Variants in SLITRK5 observed in about 807,000 individuals in gnomAD.
SLITRK5 encodes the protein SLIT and NTRK like family member 5, also known as SLIT and NTRK-like protein 5.
In SLITRK5, 23 loss-of-function variants were observed where a neutral mutation model predicts 56.2. The ratio of observed to expected loss-of-function variants is 0.41; its 90% CI spans 0.29 to 0.58. The LOEUF (loss-of-function observed/expected upper bound fraction) is 0.58. Among genes scored for constraint, SLITRK5 ranks in the 20% least tolerant of loss-of-function variants. The pLI, the probability that SLITRK5 is intolerant of heterozygous loss-of-function variation, is 0.30. For missense variants in SLITRK5, 1,289 were observed against 1,226.6 expected, an observed-to-expected ratio of 1.05 and a Z score of -0.76; for synonymous variants, 637 against 531.8, an observed-to-expected ratio of 1.20 and a Z score of -2.72.
Position 87,675,975 on chromosome 13 carries a change from T to G in SLITRK5, c.587T>G (p.Leu196Arg). 6.2e-7 allele frequency: 1 copy of G among 1,614,102 alleles called. No homozygotes were observed. The highest frequency in any genetic ancestry group is 8.5e-7 in the Non-Finnish European group (1 of 1,180,016). Residue 196 changes from leucine (L) to arginine (R), a missense_variant, in exon 2 of 2, where the codon CTT (leucine) becomes CGT (arginine). Physicochemically the swap from Leu to Arg is moderately radical, Grantham distance 102. Coordinates refer to ENST00000683689, the MANE Select transcript of SLITRK5 (RefSeq NM_001384609.1). ...CTTTTGTCCAGTTTACCCAACAATC[T>G]TTTCCGTTTTGTGCCCTTAACGCAC... Reference protein sequence around the residue: ...DNLLSSLPNNLFRFVPLTHLD... With the variant: ...DNLLSSLPNNRFRFVPLTHLD...
At chr13:87,674,278 TAA>T in intron 1 of SLITRK5, 2 of 525,888 alleles carry the variant, frequency 3.8e-6, no homozygotes, top group Non-Finnish European at 4.9e-6. Context: ...TCCCTGAGAT[TAA>T]AAAAAAGAGA....
At position 87,679,067 on chromosome 13, in the gene SLITRK5, C is replaced by A. The variant is rs2137949789; in HGVS notation, c.*802C>A. On this transcript the variant is annotated 3_prime_UTR_variant, in exon 2 of 2. Coordinates refer to ENST00000683689, the MANE Select transcript of SLITRK5 (RefSeq NM_001384609.1). ...CCTATGATTTTGCAGAGGTGTCACA[C>A]TGTATTAGGATCTGCATTTCTAAAA... 6.0e-6 allele frequency: 1 copy of A among 166,830 alleles called. No homozygotes were observed. 10.3% of individuals were successfully genotyped at this position (166,830 alleles called of 1,614,324 possible).
In SLITRK5 at chr13:87,675,692, G is replaced by C. The variant is rs1167693029; in HGVS notation, c.304G>C (p.Val102Leu). The change falls in exon 2 of 2, where the codon GTC becomes CTC. Residue 102 changes from valine to leucine, a missense_variant. Physicochemically the swap from Val to Leu is conservative, Grantham distance 32 (BLOSUM62 1). Transcript: ENST00000683689. ...LLNRLYPNEF[V>L]NYTGASILHL... ...GAACCGTCTCTATCCCAATGAGTTT[G>C]TCAATTACACTGGGGCTTCAATTTT... The C allele has an allele frequency of 1.2e-6, 2 of 1,614,160 alleles. No individual in the cohort carries two copies. The highest frequency in any genetic ancestry group is 1.7e-5 in the Admixed American group (1 of 60,020).
rs751214588 is a variant in SLITRK5, at chr13:87,677,778, AGCCGCCGCC to A, written c.2394_2402del (p.Pro800_Pro802del). ...AACCACCACCTGCAGCAGCAGCAGC[AGCCGCCGCC>A]GCCACCGCAGCAGCCACAGCAGCAG... is the stretch of plus-strand genomic sequence containing the variant. On this transcript the variant is annotated inframe_deletion, in exon 2 of 2. Coordinates refer to ENST00000683689, the MANE Select transcript of SLITRK5 (RefSeq NM_001384609.1). The surrounding 1 kb of genome is among the most constrained non-coding windows in gnomAD (Gnocchi z 4.7). 6.2e-7 allele frequency: 1 copy of A among 1,606,538 alleles called. No individual in the cohort carries two copies. The highest frequency in any genetic ancestry group is 1.3e-5 in the African/African-American group (1 of 74,766).
At position 87,677,422 on chromosome 13, in the gene SLITRK5, C is replaced by G. The variant is rs1204299379; in HGVS notation, c.2034C>G (p.Val678=). ...TCCTGCTGGTTTTCATCATGTCCGT[C>G]TTCGTGGCCGCCGGGCTCTTCGTGC... ...LSLLLVFIMS[V]FVAAGLFVLV... is the part of the protein sequence containing the mutation. Residue 678 remains valine (V), a synonymous_variant, in exon 2 of 2, where the codon GTC becomes GTG. Transcript: ENST00000683689. The surrounding 1 kb of genome is among the most constrained non-coding windows in gnomAD (Gnocchi z 4.7). 6.2e-7 allele frequency: 1 copy of G among 1,613,620 alleles called. No homozygotes were observed. The highest frequency in any genetic ancestry group is 8.5e-7 in the Non-Finnish European group (1 of 1,180,006).
chr13:87,676,893 A>T lies in SLITRK5; in HGVS notation c.1505A>T (p.Asp502Val), dbSNP rs1161056288. ...LIREIQSGTF[D>V]PVPNLQLLFL... ...CGCGAGATTCAGTCTGGAACTTTTG[A>T]CCCGGTCCCAAACCTCCAGCTGCTA... is the stretch of plus-strand genomic sequence containing the variant. The change falls in exon 2 of 2, where the codon GAC becomes GTC. Residue 502 changes from aspartate (D) to valine (V), a missense_variant. Physicochemically the swap from Asp to Val is radical, Grantham distance 152. Coordinates refer to ENST00000683689, the MANE Select transcript of SLITRK5 (RefSeq NM_001384609.1). The T allele has an allele frequency of 6.2e-7, 1 of 1,613,630 alleles. No homozygotes were observed. Among genetic ancestry groups the T allele is most frequent in the Non-Finnish European group, 8.5e-7 (1 of 1,179,960 alleles).
At chr13:87,674,635 C>T (rs1179425850) in intron 1 of SLITRK5, among the ~76,000 whole-genome samples, 1 of 152,096 alleles carries the variant, frequency 6.6e-6, no homozygotes, top group Admixed American at 6.5e-5. Context: ...GGAAGCGCTG[C>T]TAAGTGGTAC....
rs1410427132 is a variant in SLITRK5 at position 87,679,163 on chromosome 13, G to A, written c.*898G>A. On this transcript the variant is annotated 3_prime_UTR_variant, in exon 2 of 2. Transcript: ENST00000683689. ...GAATTTAATGGCTAAATCTTTAAAA[G>A]CCAATGCAACCCACCCAATTGAATC... The A allele has an allele frequency of 6.0e-6, 1 of 166,860 alleles. No homozygotes were observed. The highest frequency in any genetic ancestry group is 1.9e-4 in the East Asian group (1 of 5,176). 10.3% of individuals were successfully genotyped at this position (166,860 alleles called of 1,614,324 possible).
chr13:87,672,112 C>G lies in SLITRK5; in HGVS notation c.-106C>G, dbSNP rs1877058288. 6.6e-6 allele frequency among the ~76,000 whole-genome samples: 1 copy of G among 152,000 alleles called. No individual in the cohort carries two copies. Among genetic ancestry groups the G allele is most frequent in the African/African-American group, 2.4e-5 (1 of 41,406 alleles). Reference sequence around the variant, plus strand: ...GGGGGGAGGGGAGGGCCGGCCGGCGCGAACCCAGGCCGGAGGGTGCGAGGA... The same window carrying G: ...GGGGGGAGGGGAGGGCCGGCCGGCGGGAACCCAGGCCGGAGGGTGCGAGGA... On this transcript the variant is annotated 5_prime_UTR_variant, in exon 1 of 2. Transcript: ENST00000683689.
chr13:87,675,496 G>T lies in SLITRK5; in HGVS notation c.108G>T (p.Ser36=), dbSNP rs1043442317. 1 of 1,614,114 alleles carries T rather than the reference G, an allele frequency of 6.2e-7. No individual in the cohort carries two copies. Among genetic ancestry groups the T allele is most frequent in the Non-Finnish European group, 8.5e-7 (1 of 1,180,018 alleles). ...LAFAVTSLVL[S]CAETIDYYGE... is the part of the protein sequence containing the mutation. ...TTGCTGTAACATCTCTCGTCCTTTC[G>T]TGTGCAGAAACCATCGATTATTATG... The change falls in exon 2 of 2, where the codon TCG becomes TCT. Residue 36 remains serine, a synonymous_variant. Transcript: ENST00000683689.
rs1877368218 is a variant in SLITRK5 at position 87,677,930 on chromosome 13, G to A, written c.2542G>A (p.Val848Met). The change falls in exon 2 of 2, where the codon GTG becomes ATG. Residue 848 changes from valine (V) to methionine (M), a missense_variant. Around this residue, in one of 3 missense-constraint regions of SLITRK5, gnomAD observed 985 missense variants for 906.0 expected, o/e 1.09. Transcript: ENST00000683689. The surrounding 1 kb of genome is among the most constrained non-coding windows in gnomAD (Gnocchi z 4.7). The part of the protein sequence containing the change: ...IEPREDLLSP[V>M]QDADRFYRGI... ...GCCCCGGGAGGACCTGCTGTCGCCG[G>A]TGCAGGACGCCGACCGCTTTTACAG... The A allele has an allele frequency of 1.2e-6, 2 of 1,613,770 alleles. No individual in the cohort carries two copies. Among genetic ancestry groups the A allele is most frequent in the Non-Finnish European group, 1.7e-6 (2 of 1,179,820 alleles).
Position 87,671,807 on chromosome 13 carries a change from G to T in SLITRK5, c.-411G>T, listed in dbSNP as rs959356384. Among the ~76,000 whole-genome samples the T allele has an allele frequency of 6.6e-6, 1 of 151,898 alleles. No individual in the cohort carries two copies. The highest frequency in any genetic ancestry group is 2.4e-5 in the African/African-American group (1 of 41,336). ...TAATTAGGGGCCGCGGCGGCGGCGG[G>T]CTCGGCGCGGAGACAGCGTCGGCGG... On this transcript the variant is annotated 5_prime_UTR_variant, in exon 1 of 2. Transcript: ENST00000683689.
intron 1 of SLITRK5, chr13:87,674,346 C>T (rs1216266101): frequency 1.0e-6 from 1 of 974,404 alleles, no homozygotes; most frequent in Non-Finnish European, 1.2e-6. Flanking sequence ...GGGATGCTGT[C>T]GAGGTGGTAG....
chr13:87,674,650 C>T (rs1877192803), intron 1 of SLITRK5, among the ~76,000 whole-genome samples: 1 of 152,126 alleles, frequency 6.6e-6, no homozygotes, highest in South Asian at 2.1e-4. Context: ...TGGTACCGTG[C>T]ATGCAATTAG....
intron 1 of SLITRK5, chr13:87,674,547 C>A: frequency 3.9e-6 from 1 of 256,106 alleles, no homozygotes; most frequent in Non-Finnish European, 6.1e-6. Context: ...TCGTGCAGAA[C>A]TATTTCAGTG....
Position 87,675,746 on chromosome 13 carries a change from A to G in SLITRK5, c.358A>G (p.Ile120Val), listed in dbSNP as rs1274311370. The change falls in exon 2 of 2, where the codon ATT (isoleucine) becomes GTT (valine). Residue 120 changes from isoleucine to valine, a missense_variant. Around this residue, in one of 3 missense-constraint regions of SLITRK5, gnomAD observed 291 missense variants for 286.7 expected, o/e 1.02. Transcript: ENST00000683689. The part of the protein sequence containing the change: ...LHLGSNVIQD[I>V]ETGAFHGLRG... ...TCTAGGTAGCAATGTTATCCAGGAC[A>G]TTGAGACCGGGGCTTTCCATGGGCT... 2 of 1,614,158 alleles carry G rather than the reference A, an allele frequency of 1.2e-6. No individual in the cohort carries two copies. The highest frequency in any genetic ancestry group is 2.2e-5 in the East Asian group (1 of 44,874).
At chr13:87,674,539 G>T (rs1367191000) in intron 1 of SLITRK5, 2 of 279,044 alleles carry the variant, frequency 7.2e-6, no homozygotes, top group South Asian at 2.7e-4. Flanking sequence ...GTAATCCATC[G>T]TGCAGAACTA....
Position 87,677,258 on chromosome 13 carries a change from A to T in SLITRK5, c.1870A>T (p.Thr624Ser). The part of the protein sequence containing the change: ...DYSDVVVSTP[T>S]PSSIQVPART... ...TTCAGATGTAGTAGTTTCCACGCCC[A>T]CACCCTCCTCTATCCAGGTCCCTGC... Residue 624 changes from threonine (T) to serine (S), a missense_variant, in exon 2 of 2, where the codon ACA becomes TCA. Physicochemically the swap from Thr to Ser is moderately conservative, Grantham distance 58. Coordinates refer to ENST00000683689, the MANE Select transcript of SLITRK5 (RefSeq NM_001384609.1). The surrounding 1 kb of genome is among the most constrained non-coding windows in gnomAD (Gnocchi z 4.7). 1 of 1,614,112 alleles carries T rather than the reference A, an allele frequency of 6.2e-7. No individual in the cohort carries two copies.
At position 87,677,680 on chromosome 13, in the gene SLITRK5, C is replaced by T; in HGVS notation, c.2292C>T (p.Ile764=). Residue 764 remains isoleucine, a synonymous_variant, in exon 2 of 2, where the codon ATC becomes ATT. Coordinates refer to ENST00000683689, the MANE Select transcript of SLITRK5 (RefSeq NM_001384609.1). The surrounding 1 kb of genome is among the most constrained non-coding windows in gnomAD (Gnocchi z 4.7). The stretch of plus-strand genomic sequence containing the variant: ...TGGGCCACATGTGCAAAAACCCCAT[C>T]TACCGCTCCCGAGAGGGCAACTCCG... ...HPLGHMCKNP[I]YRSREGNSVE... The T allele has an allele frequency of 1.2e-6, 2 of 1,605,994 alleles. No homozygotes were observed. Among genetic ancestry groups the T allele is most frequent in the Non-Finnish European group, 1.7e-6 (2 of 1,173,700 alleles).
Sources: gnomAD v4.1 joint callset for allele counts (sites outside exome capture counted in the v4.1 genomes callset) on GRCh38, gnomAD v4.1.1 for gene constraint, gnomAD v4.1.1 regional missense constraint, Gnocchi (gnomAD v3.1) non-coding constraint, MANE v1.5 for transcripts, NCBI Gene and HGNC (gene_info 2026-07-23, HGNC 2026-07-21) for gene names.